CAMTA1: variants seen among roughly 807,000 people sequenced by gnomAD.
CAMTA1 encodes calmodulin-binding transcription activator 1.
CAMTA1 carries 27 observed loss-of-function variants against 170.9 expected under a neutral mutation model. The ratio of observed to expected loss-of-function variants is 0.16; its 90% confidence interval spans 0.12 to 0.22. CAMTA1 has a LOEUF of 0.22. CAMTA1 is among the 10% of genes least tolerant of loss of function. The pLI, the probability that CAMTA1 is intolerant of heterozygous loss-of-function variation, is 1.00. For synonymous variants in CAMTA1, 833 were observed against 891.5 expected, an observed-to-expected ratio of 0.93 and a Z score of 1.17; for missense variants, 1,619 against 2,217.2, an observed-to-expected ratio of 0.73 and a Z score of 5.42.
At chr1:7,441,758 CAG>C (rs1477559557) in intron 5 of CAMTA1, among the ~76,000 whole-genome samples, 5 of 152,152 alleles carry the variant, frequency 3.3e-5, no homozygotes, top group African/African-American at 2.4e-5. Flanking sequence ...GGAAGCTACT[CAG>C]TGTGCTTGTT....
At chr1:6,990,055 T>C (rs1696098921) in intron 3 of CAMTA1, among the ~76,000 whole-genome samples, 1 of 152,174 alleles carries the variant, frequency 6.6e-6, no homozygotes, top group Non-Finnish European at 1.5e-5. Flanking sequence ...AACATCTCAC[T>C]GGCCAACTTC....
At chr1:7,079,290 A>T (rs751342930) in intron 3 of CAMTA1, among the ~76,000 whole-genome samples, 10 of 152,200 alleles carry the variant, frequency 6.6e-5, no homozygotes, top group African/African-American at 1.2e-4. Context: ...TAACTGCCAG[A>T]GTAAAGCCTA....
chr1:7,752,537 C>A lies in CAMTA1; in HGVS notation c.4958+4C>A, dbSNP rs2096904242. 6.3e-7 allele frequency: 1 copy of A among 1,597,924 alleles called. No individual in the cohort carries two copies. Among genetic ancestry groups the A allele is most frequent in the African/African-American group, 1.3e-5 (1 of 74,606 alleles). On this transcript the variant is annotated splice_donor_region_variant and intron_variant, in intron 21 of 22. Coordinates refer to ENST00000303635, the MANE Select transcript of CAMTA1 (RefSeq NM_015215.4). ...TTCTTCGCCGCTGTCGCCACAGGTA[C>A]ACTAGTCCTTGTTTATACATTCTGC...
chr1:7,430,658 G>A (rs2092115367), intron 5 of CAMTA1, among the ~76,000 whole-genome samples: 2 of 152,188 alleles, frequency 1.3e-5, no homozygotes, highest in Admixed American at 6.5e-5. Flanking sequence ...GTCTTGGCAA[G>A]CCTCTCTGTT....
At chr1:7,124,499 C>A (rs574129974) in intron 4 of CAMTA1, among the ~76,000 whole-genome samples, 1 of 152,334 alleles carries the variant, frequency 6.6e-6, no homozygotes, top group East Asian at 1.9e-4. Flanking sequence ...GTGGATGGCC[C>A]TTCTGCAATG....
chr1:6,814,712 AAAAT>A (rs1189960252), intron 1 of CAMTA1, among the ~76,000 whole-genome samples: 1 of 152,200 alleles, frequency 6.6e-6, no homozygotes, highest in Non-Finnish European at 1.5e-5. Context: ...TTCTTTTTAA[AAAAT>A]AGTAAAGGTG....
At chr1:6,880,919 GAAT>G (rs780959505) in intron 3 of CAMTA1, among the ~76,000 whole-genome samples, 10 of 152,022 alleles carry the variant, frequency 6.6e-5, no homozygotes, top group East Asian at 1.9e-4. Context: ...TGGGGGAGAG[GAAT>G]AATAATAAAC....
At chr1:7,605,467 G>T (rs916162809) in intron 6 of CAMTA1, among the ~76,000 whole-genome samples, 1 of 152,226 alleles carries the variant, frequency 6.6e-6, no homozygotes, top group African/African-American at 2.4e-5. Context: ...CTCTGTGGGC[G>T]TAGGACCCTC....
chr1:6,797,273 C>A (rs1234983413), intron 1 of CAMTA1, among the ~76,000 whole-genome samples: 1 of 152,146 alleles, frequency 6.6e-6, no homozygotes, highest in Non-Finnish European at 1.5e-5. Context: ...GTTGTCCAGG[C>A]TGGTCTCATA....
rs1005341239 is a variant in CAMTA1, at chr1:6,965,126, A to C, written c.235-126178A>C. On this transcript the variant is annotated intron_variant, in intron 3 of 22. Coordinates refer to ENST00000303635, the MANE Select transcript of CAMTA1 (RefSeq NM_015215.4). This position sits in a 1 kb window ranked among gnomAD's most constrained non-coding sequence, Gnocchi z 4.1. ...GAAGCAGGGCCAGCGGAAGGGCTGT[A>C]TTTCTGGTGAGATGTATTAATATGT... Among the ~76,000 whole-genome samples the C allele has an allele frequency of 6.6e-6, 1 of 152,206 alleles. No homozygotes were observed.
rs567291390 is a variant in CAMTA1 at position 7,752,666 on chromosome 1, T to C, written c.4958+133T>C. ...TCAGGGCAGACGTCCCAAATTACAATAGGGCGGTAGAGCTCTTTAACTAGG... is the reference window on the plus strand; with the variant it reads ...TCAGGGCAGACGTCCCAAATTACAACAGGGCGGTAGAGCTCTTTAACTAGG... On this transcript the variant is annotated intron_variant, in intron 21 of 22. Transcript: ENST00000303635. 52 of 653,778 alleles carry C rather than the reference T, an allele frequency of 8.0e-5. No individual in the cohort carries two copies. In the East Asian group the frequency reaches 1.5e-3, roughly 19 times the overall value. 40.5% of individuals were successfully genotyped at this position (653,778 alleles called of 1,614,324 possible). A position where few individuals can be genotyped will look rare whatever the true frequency, so the allele number is the denominator to read the frequency against.
intron 10 of CAMTA1, 47 bp from the exon 11 acceptor site, chr1:7,677,552 T>C (rs201872089): frequency 1.2e-5 from 19 of 1,592,048 alleles, no homozygotes; most frequent in Non-Finnish European, 1.5e-5. Context: ...CACCAGGCTG[T>C]AGGTACCCAC....
At chr1:7,391,264 T>C (rs1291911799) in intron 5 of CAMTA1, among the ~76,000 whole-genome samples, 1 of 152,032 alleles carries the variant, frequency 6.6e-6, no homozygotes. Flanking sequence ...CCCAAAGTGC[T>C]GGGATTACAG....
At position 7,547,161 on chromosome 1, in the gene CAMTA1, C is replaced by A. The variant is rs774084623; in HGVS notation, c.510+79260C>A. ...TATAAGCCCAATCATTCTTTGAGCA[C>A]TTCCTTGCTTTCTGAACAAGATGTT... On this transcript the variant is annotated intron_variant, in intron 6 of 22. Transcript: ENST00000303635. This position sits in a 1 kb window ranked among gnomAD's most constrained non-coding sequence, Gnocchi z 5.7. Among the ~76,000 whole-genome samples the A allele has an allele frequency of 5.3e-5, 8 of 152,158 alleles. No individual in the cohort carries two copies. The highest frequency in any genetic ancestry group is 1.3e-4 in the Admixed American group (2 of 15,270).
Position 6,867,579 on chromosome 1 carries a change from C to T in CAMTA1, c.234+42369C>T, listed in dbSNP as rs568641595. The stretch of plus-strand genomic sequence containing the variant: ...CTACAGACATGAAAGCCAAAGGCTG[C>T]GCTTTTCTTTGGTTTTTCAATAGAT... On this transcript the variant is annotated intron_variant, in intron 3 of 22. Coordinates refer to ENST00000303635, the MANE Select transcript of CAMTA1 (RefSeq NM_015215.4). Among the ~76,000 whole-genome samples, 30 of 152,170 alleles carry T rather than the reference C, an allele frequency of 2.0e-4. No individual in the cohort carries two copies. The South Asian group carries it at 5.2e-3, about 26-fold the overall frequency.
chr1:7,086,838 C>T (rs554179903), intron 3 of CAMTA1, among the ~76,000 whole-genome samples: 1 of 152,210 alleles, frequency 6.6e-6, no homozygotes, highest in South Asian at 2.1e-4. Context: ...TGGGGTAGGT[C>T]CACCTCTTGG....
At chr1:6,872,590 C>T (rs1185323323) in intron 3 of CAMTA1, among the ~76,000 whole-genome samples, 1 of 152,154 alleles carries the variant, frequency 6.6e-6, no homozygotes, top group African/African-American at 2.4e-5. Flanking sequence ...CCCTGGTAGT[C>T]TCAATACCAG....
intron 5 of CAMTA1, among the ~76,000 whole-genome samples, chr1:7,412,635 A>G (rs202068613): frequency 6.6e-6 from 1 of 151,842 alleles, no homozygotes; most frequent in African/African-American, 2.4e-5. Context: ...GTTTGAGTTC[A>G]TTGTAGATTC....
chr1:7,450,847 T>C (rs942176822), intron 5 of CAMTA1, among the ~76,000 whole-genome samples: 19 of 150,344 alleles, frequency 1.3e-4, no homozygotes, highest in East Asian at 5.9e-4. Context: ...AGCCCCTCTA[T>C]TGGGGCAGAG....
Sources: allele counts gnomAD v4.1 joint callset (sites outside exome capture counted in the v4.1 genomes callset), GRCh38; gene constraint gnomAD v4.1.1; non-coding constraint Gnocchi (gnomAD v3.1); transcripts MANE v1.5; gene names NCBI Gene and HGNC (gene_info 2026-07-23, HGNC 2026-07-21).